Variants in RNGTT observed in about 807,000 individuals in gnomAD.
RNGTT encodes RNA guanylyltransferase and 5'-phosphatase, also known as mRNA-capping enzyme.
RNGTT carries 33 observed loss-of-function variants against 79.3 expected under a neutral mutation model. The ratio of observed to expected loss-of-function variants is 0.42; its 90% CI spans 0.32 to 0.56. RNGTT has a LOEUF of 0.56. RNGTT is among the 20% of genes least tolerant of loss of function. RNGTT has a pLI of 0.17. For synonymous variants in RNGTT, 222 were observed against 235.9 expected, an observed-to-expected ratio of 0.94 and a Z score of 0.54; for missense variants, 497 against 739.1, an observed-to-expected ratio of 0.67 and a Z score of 3.80.
chr6:88,713,418 A>G (rs1776387026), intron 13 of RNGTT, among the ~76,000 whole-genome samples: 1 of 152,210 alleles, frequency 6.6e-6, no homozygotes, highest in African/African-American at 2.4e-5. Flanking sequence ...ATTTAGATAA[A>G]TATTTAAATG....
chr6:88,892,715 T>C (rs1783092118), intron 6 of RNGTT, among the ~76,000 whole-genome samples: 1 of 152,058 alleles, frequency 6.6e-6, no homozygotes, highest in South Asian at 2.1e-4. Flanking sequence ...GCATCAGTCT[T>C]AAGAAAAATC....
At chr6:88,616,397 A>G (rs887002179) in intron 14 of RNGTT, among the ~76,000 whole-genome samples, 13 of 152,104 alleles carry the variant, frequency 8.5e-5, no homozygotes, top group African/African-American at 2.9e-4. Context: ...TCATAATTTT[A>G]TTTTTAATCT....
chr6:88,860,102 A>G (rs1781962006), intron 8 of RNGTT, among the ~76,000 whole-genome samples: 1 of 152,228 alleles, frequency 6.6e-6, no homozygotes, highest in African/African-American at 2.4e-5. Context: ...TCTGTAATAG[A>G]CCATGTGAGA....
chr6:88,836,584 A>T (rs1025919693), intron 11 of RNGTT, among the ~76,000 whole-genome samples: 2 of 152,098 alleles, frequency 1.3e-5, no homozygotes, highest in Admixed American at 1.3e-4. Flanking sequence ...TCTACAAAAG[A>T]TACAAAAATT....
intron 13 of RNGTT, among the ~76,000 whole-genome samples, chr6:88,703,087 C>T (rs74548934): frequency 6.6e-6 from 1 of 152,122 alleles, no homozygotes; most frequent in Non-Finnish European, 1.5e-5. Context: ...AAAGGAAATG[C>T]TTCTACACTT....
chr6:88,942,329 T>C (rs929017723), intron 1 of RNGTT, among the ~76,000 whole-genome samples: 4 of 152,134 alleles, frequency 2.6e-5, no homozygotes, highest in African/African-American at 7.2e-5. Context: ...ATAGAGGAAG[T>C]CACCTCTAAC....
intron 13 of RNGTT, among the ~76,000 whole-genome samples, chr6:88,680,146 A>C (rs551784324): frequency 2.0e-5 from 3 of 152,340 alleles, no homozygotes; most frequent in Admixed American, 1.3e-4. Context: ...ATAATCATAG[A>C]AAATTAGAAC....
intron 6 of RNGTT, 137 bp from the exon 7 acceptor site, chr6:88,892,052 G>C (rs899718939): frequency 1.7e-6 from 1 of 592,756 alleles, no homozygotes; most frequent in Non-Finnish European, 2.8e-6. Context: ...TAACAGAAAC[G>C]GTCTGCTGTA....
intron 12 of RNGTT, among the ~76,000 whole-genome samples, chr6:88,787,144 T>C (rs1217262822): frequency 1.3e-5 from 2 of 152,232 alleles, no homozygotes; most frequent in Non-Finnish European, 2.9e-5. Flanking sequence ...TTATTGTTTA[T>C]ATCACTGTTT....
intron 1 of RNGTT, among the ~76,000 whole-genome samples, chr6:88,957,628 T>C (rs1308598758): frequency 6.6e-6 from 1 of 151,564 alleles, no homozygotes; most frequent in African/African-American, 2.4e-5. Flanking sequence ...AACAGCTGCA[T>C]AAAAAAAATA....
chr6:88,840,422 T>C (rs555756859), intron 11 of RNGTT, among the ~76,000 whole-genome samples: 182 of 152,228 alleles, frequency 1.2e-3, no homozygotes, highest in Non-Finnish European at 2.1e-3. Flanking sequence ...TTCGAGACAG[T>C]GTCCCACTCC....
chr6:88,625,962 C>A (rs11965856), intron 14 of RNGTT, among the ~76,000 whole-genome samples: 4,547 of 151,926 alleles, frequency 0.03, 228 homozygotes, highest in African/African-American at 0.1. Context: ...TGTCAATCCA[C>A]TGGTTAATAA....
At chr6:88,925,479 G>C (rs1202511916) in intron 4 of RNGTT, among the ~76,000 whole-genome samples, 5 of 151,792 alleles carry the variant, frequency 3.3e-5, no homozygotes, top group Admixed American at 2.0e-4. Flanking sequence ...TATGGTCCCA[G>C]CTACTCGGGA....
intron 6 of RNGTT, among the ~76,000 whole-genome samples, chr6:88,901,700 G>A (rs1783473796): frequency 6.6e-6 from 1 of 151,598 alleles, no homozygotes; most frequent in Admixed American, 6.6e-5. Context: ...GTAGAGACGG[G>A]GTTTCACCAT....
chr6:88,837,854 A>T (rs960289202), intron 11 of RNGTT, among the ~76,000 whole-genome samples: 1 of 152,202 alleles, frequency 6.6e-6, no homozygotes, highest in African/African-American at 2.4e-5. Context: ...CATACTCTGA[A>T]GAAACACCAG....
At chr6:88,770,766 C>G (rs1254088383) in intron 12 of RNGTT, among the ~76,000 whole-genome samples, 2 of 152,222 alleles carry the variant, frequency 1.3e-5, no homozygotes, top group Non-Finnish European at 2.9e-5. Context: ...TGCTCCATAT[C>G]CGCCTTGGAC....
intron 1 of RNGTT, among the ~76,000 whole-genome samples, chr6:88,948,399 G>A (rs1306524161): frequency 6.0e-3 from 749 of 124,646 alleles, no homozygotes; most frequent in African/African-American, 0.022. Flanking sequence ...CGCCCCGTCC[G>A]GGAGGTGAGG....
chr6:88,810,187 A>G (rs1171254081), intron 11 of RNGTT, among the ~76,000 whole-genome samples: 1 of 152,248 alleles, frequency 6.6e-6, no homozygotes, highest in Non-Finnish European at 1.5e-5. Context: ...TATAAAAAAT[A>G]GCCAGTTGGG....
intron 14 of RNGTT, among the ~76,000 whole-genome samples, chr6:88,629,048 T>C (rs989644200): frequency 3.3e-5 from 5 of 152,102 alleles, no homozygotes; most frequent in East Asian, 1.9e-4. Flanking sequence ...TCAAGTGCCA[T>C]GTGTTGGTCA....
Sources: gnomAD v4.1 joint callset for allele counts (sites outside exome capture counted in the v4.1 genomes callset) on GRCh38, gnomAD v4.1.1 for gene constraint, MANE v1.5 for transcripts, NCBI Gene and HGNC (gene_info 2026-07-23, HGNC 2026-07-21) for gene names.